Variants in NAMPT observed in about 807,000 individuals in gnomAD.
NAMPT encodes the protein NAmPRTase.
A neutral mutation model predicts 58.7 loss-of-function variants in NAMPT; 7 were observed. The ratio of observed to expected loss-of-function variants is 0.12; its 90% CI spans 0.07 to 0.22. NAMPT has a LOEUF of 0.22. Among genes scored for constraint, NAMPT ranks in the 10% least tolerant of loss-of-function variants. NAMPT has a pLI of 1.00. For synonymous variants in NAMPT, 145 were observed against 198.1 expected, an observed-to-expected ratio of 0.73 and a Z score of 2.25; for missense variants, 271 against 567.9, an observed-to-expected ratio of 0.48 and a Z score of 5.31.
chr7:106,256,691 T>C (rs1484119851), intron 8 of NAMPT, among the ~76,000 whole-genome samples: 3 of 152,222 alleles, frequency 2.0e-5, no homozygotes, highest in Non-Finnish European at 2.9e-5. Context: ...AACTGTAGGC[T>C]ACTAAGTGTT....
intron 1 of NAMPT, among the ~76,000 whole-genome samples, chr7:106,281,535 T>G (rs945733839): frequency 6.6e-6 from 1 of 152,242 alleles, no homozygotes; most frequent in Admixed American, 6.5e-5. Flanking sequence ...CTATATAATA[T>G]CTAAGGGCAA....
At chr7:106,253,269 G>T (rs1382241455) in intron 9 of NAMPT, 118 bp from the exon 10 acceptor site, 2 of 1,065,206 alleles carry the variant, frequency 1.9e-6, no homozygotes, top group East Asian at 5.2e-5. Context: ...CACTTAATAG[G>T]TATAACTGAA....
chr7:106,270,076 G>A (rs547836823), intron 4 of NAMPT: 2 of 184,074 alleles, frequency 1.1e-5, no homozygotes, highest in African/African-American at 4.8e-5. Context: ...AGTTCCCAAT[G>A]AGAAAATGAA....
chr7:106,278,476 A>T (rs3801267), intron 1 of NAMPT, among the ~76,000 whole-genome samples: 97,686 of 151,908 alleles, frequency 0.64, 31,791 homozygotes, highest in East Asian at 0.91. Flanking sequence ...TACAGGGAAG[A>T]CTCATCAAAA....
At chr7:106,272,222 T>G in intron 4 of NAMPT, 1 of 281,686 alleles carries the variant, frequency 3.6e-6, no homozygotes, top group South Asian at 3.4e-5. Flanking sequence ...TGTGCTGTTT[T>G]TCTAAGTTTG....
chr7:106,282,150 G>A (rs1002424376), intron 1 of NAMPT, among the ~76,000 whole-genome samples: 31 of 151,628 alleles, frequency 2.0e-4, no homozygotes, highest in African/African-American at 4.9e-4. Context: ...CGAAGCATCC[G>A]CTCAGAAGCA....
intron 1 of NAMPT, among the ~76,000 whole-genome samples, chr7:106,281,752 G>A (rs1792770337): frequency 6.6e-6 from 1 of 152,014 alleles, no homozygotes; most frequent in African/African-American, 2.4e-5. Flanking sequence ...CATGACTTAA[G>A]GATTTTGGGT....
intron 6 of NAMPT, among the ~76,000 whole-genome samples, chr7:106,267,783 G>C (rs1290517786): frequency 2.3e-5 from 3 of 128,048 alleles, no homozygotes; most frequent in Non-Finnish European, 4.8e-5. Flanking sequence ...GGAGCTTGCA[G>C]TGAGCCGAGA....
Position 106,284,888 on chromosome 7 carries a change from G to C in NAMPT, c.-4C>G, listed in dbSNP as rs764610706. On this transcript the variant is annotated 5_prime_UTR_variant, in exon 1 of 11. Coordinates refer to ENST00000222553, the MANE Select transcript of NAMPT (RefSeq NM_005746.3). ...CGGCTTCTGCCGCAGGATTCATCTC[G>C]GGCCGGAGGACAGGGGCCGCGCGCC... The C allele has an allele frequency of 3.2e-6, 5 of 1,583,506 alleles. No individual in the cohort carries two copies. The East Asian group carries it at 6.9e-5, about 22-fold the overall frequency.
chr7:106,258,377 CA>C (rs1223612875), intron 8 of NAMPT, among the ~76,000 whole-genome samples: 1 of 152,072 alleles, frequency 6.6e-6, no homozygotes, highest in Admixed American at 6.5e-5. Context: ...CTCTTTCGAA[CA>C]GAAAAAAACT....
rs1012747591 is a variant in NAMPT, at chr7:106,263,494, T to A, written c.867A>T (p.Lys289Asn). The A allele has an allele frequency of 1.9e-6, 3 of 1,607,846 alleles. No homozygotes were observed. The South Asian group carries it at 3.3e-5, about 18-fold the overall frequency. ...AATGTCTTAGATCTTCACCCCATAT[T>A]TTCTCACACGCATTATAAATGTCAT... is the stretch of plus-strand genomic sequence containing the variant. ...DSYDIYNACEKIWGEDLRHLI... is the reference protein window; with the variant it reads ...DSYDIYNACENIWGEDLRHLI... The change falls in exon 7 of 11, where the codon AAA becomes AAT. Residue 289 changes from lysine (K) to asparagine (N), a missense_variant. By Grantham distance (94) the Lys-to-Asn change is moderately conservative. This residue lies in a region of NAMPT where 143 missense variants were observed against 331.1 expected (regional missense o/e 0.43). Transcript: ENST00000222553.
At chr7:106,275,152 G>T in intron 2 of NAMPT, 103 bp from the exon 3 acceptor site, 1 of 647,954 alleles carries the variant, frequency 1.5e-6, no homozygotes, top group South Asian at 2.2e-5. Context: ...CCATTCTATG[G>T]ATTAAAAATA....
At chr7:106,267,502 T>A (rs1792435546) in intron 6 of NAMPT, among the ~76,000 whole-genome samples, 1 of 152,104 alleles carries the variant, frequency 6.6e-6, no homozygotes. Flanking sequence ...TTATAGTAAA[T>A]AATTTTGTTA....
At chr7:106,257,642 G>C (rs956757524) in intron 8 of NAMPT, among the ~76,000 whole-genome samples, 1 of 148,976 alleles carries the variant, frequency 6.7e-6, no homozygotes, top group African/African-American at 2.4e-5. Flanking sequence ...AAAAAAAATC[G>C]CACATACATT....
chr7:106,250,818 T>C lies in NAMPT; in HGVS notation c.*265A>G, dbSNP rs1420079280. On this transcript the variant is annotated 3_prime_UTR_variant, in exon 11 of 11. Coordinates refer to ENST00000222553, the MANE Select transcript of NAMPT (RefSeq NM_005746.3). ...ATAAAAGTTTCTCAGTTCTGTTATTTGTGAAAAGATCAATACCAGATTGAA... is the reference window on the plus strand; with the variant it reads ...ATAAAAGTTTCTCAGTTCTGTTATTCGTGAAAAGATCAATACCAGATTGAA... 2.6e-6 allele frequency: 1 copy of C among 387,464 alleles called. No homozygotes were observed. The allele number at this position is 387,464 out of a possible 1,614,324, so 24.0% of individuals were successfully genotyped here.
At chr7:106,251,717 A>G (rs1028550030) in intron 10 of NAMPT, among the ~76,000 whole-genome samples, 1 of 152,156 alleles carries the variant, frequency 6.6e-6, no homozygotes, top group Non-Finnish European at 1.5e-5. Context: ...AAAGAAAAAC[A>G]AGTATTGCAT....
rs55963105 is a variant in NAMPT, at chr7:106,252,424, T to C, written c.1365+593A>G. On this transcript the variant is annotated intron_variant, in intron 10 of 10. Coordinates refer to ENST00000222553, the MANE Select transcript of NAMPT (RefSeq NM_005746.3). ...TATAAGCAGTAATTGTGATGTAGTA[T>C]AAAGAATCAAAATAGGAAGTAATAG... is the stretch of plus-strand genomic sequence containing the variant. 2.0e-3 allele frequency among the ~76,000 whole-genome samples: 312 copies of C among 152,238 alleles called. 1 individual carries two copies. Among genetic ancestry groups the C allele is most frequent in the African/African-American group, 7.1e-3 (294 of 41,568 alleles).
chr7:106,277,871 TA>T (rs963896191), intron 1 of NAMPT, among the ~76,000 whole-genome samples: 4 of 152,210 alleles, frequency 2.6e-5, no homozygotes, highest in African/African-American at 9.6e-5. Context: ...AGCCACCATG[TA>T]AAAAATTTAT....
At position 106,274,317 on chromosome 7, in the gene NAMPT, T is replaced by C. The variant is rs537794422; in HGVS notation, c.318+629A>G. 6.6e-5 allele frequency among the ~76,000 whole-genome samples: 10 copies of C among 152,172 alleles called. No individual in the cohort carries two copies. The South Asian group carries it at 1.5e-3, about 22-fold the overall frequency. ...ATAGTGTATTTTCAAGAATGAATTA[T>C]CTTTCTCAAAAATGTTATTTAAGTT... On this transcript the variant is annotated intron_variant, in intron 3 of 10. Transcript: ENST00000222553.
Sources: gnomAD v4.1 joint callset for allele counts (sites outside exome capture counted in the v4.1 genomes callset) on GRCh38, gnomAD v4.1.1 for gene constraint, gnomAD v4.1.1 regional missense constraint, MANE v1.5 for transcripts, NCBI Gene and HGNC (gene_info 2026-07-23, HGNC 2026-07-21) for gene names.